CCDC174: variants seen among roughly 807,000 people sequenced by gnomAD.
The protein encoded by CCDC174 is coiled-coil domain containing 174.
CCDC174 carries 37 observed loss-of-function variants against 57.1 expected under a neutral mutation model. The observed-to-expected ratio is 0.65, with a 90% confidence interval of 0.50 to 0.85. The LOEUF is 0.85. Among genes scored for constraint, CCDC174 ranks in the 40% least tolerant of loss-of-function variants. CCDC174 has a pLI of 0.00. For missense variants in CCDC174, 540 were observed against 574.3 expected, an observed-to-expected ratio of 0.94 and a Z score of 0.61; for synonymous variants, 182 against 190.2, an observed-to-expected ratio of 0.96 and a Z score of 0.35.
chr3:14,657,581 C>T (rs2030997952), intron 3 of CCDC174, among the ~76,000 whole-genome samples: 1 of 152,220 alleles, frequency 6.6e-6, no homozygotes, highest in African/African-American at 2.4e-5. Flanking sequence ...GTAGTCTGTT[C>T]CTAACCCCTG....
intron 2 of CCDC174, 23 bp downstream of exon 2, chr3:14,654,553 C>G (rs1294048974): frequency 8.8e-7 from 1 of 1,142,590 alleles, no homozygotes; most frequent in African/African-American, 1.5e-5. Flanking sequence ...ATCTAATTAT[C>G]TCCATTGGTT....
intron 9 of CCDC174, 22 bp from the exon 10 acceptor site, chr3:14,669,912 C>T: frequency 6.2e-7 from 1 of 1,612,218 alleles, no homozygotes; most frequent in Non-Finnish European, 8.5e-7. Flanking sequence ...ATAACAGTGT[C>T]TTATTCTTTT....
chr3:14,651,955 T>G lies in CCDC174; in HGVS notation c.42+77T>G, dbSNP rs188857715. On this transcript the variant is annotated intron_variant, in intron 1 of 10. Transcript: ENST00000383794. Reference sequence around the variant, plus strand: ...ATCAGACAAGAATGTCGACCTAGCTTGTTTCTTCACTCGGGGACCCAGAGA... The same window carrying G: ...ATCAGACAAGAATGTCGACCTAGCTGGTTTCTTCACTCGGGGACCCAGAGA... 1.3e-4 allele frequency: 190 copies of G among 1,450,984 alleles called. 1 individual carries two copies. The African/African-American group carries it at 2.4e-3, about 18-fold the overall frequency. 89.9% of individuals were successfully genotyped at this position (1,450,984 alleles called of 1,614,324 possible).
rs1415193845 is a variant in CCDC174, at chr3:14,665,021, A to G, written c.486-7A>G. The stretch of plus-strand genomic sequence containing the variant: ...TCCTTCTTCACATCTTTTTGCTTTC[A>G]TTTCAGGGTGGATTACGTGGACTCT... On this transcript the variant is annotated splice_region_variant and splice_polypyrimidine_tract_variant and intron_variant, in intron 5 of 10. Coordinates refer to ENST00000383794, the MANE Select transcript of CCDC174 (RefSeq NM_016474.5). 1.2e-6 allele frequency: 2 copies of G among 1,610,592 alleles called. No individual in the cohort carries two copies. Among genetic ancestry groups the G allele is most frequent in the Non-Finnish European group, 1.7e-6 (2 of 1,177,152 alleles).
chr3:14,663,183 T>C (rs975813247), intron 5 of CCDC174, among the ~76,000 whole-genome samples: 3 of 152,170 alleles, frequency 2.0e-5, no homozygotes, highest in Admixed American at 6.5e-5. Flanking sequence ...TTTTTAATTT[T>C]TTTTGTAGAA....
At chr3:14,657,602 C>T (rs1437744105) in intron 3 of CCDC174, among the ~76,000 whole-genome samples, 1 of 152,230 alleles carries the variant, frequency 6.6e-6, no homozygotes, top group East Asian at 1.9e-4. Context: ...AAAACTGTTG[C>T]TACACTGCAC....
At chr3:14,658,534 G>C (rs550666864) in intron 3 of CCDC174, among the ~76,000 whole-genome samples, 5 of 152,358 alleles carry the variant, frequency 3.3e-5, no homozygotes, top group African/African-American at 1.2e-4. Context: ...GTTAAATTAA[G>C]TTGTTGGATT....
chr3:14,668,237 G>A, intron 9 of CCDC174, 56 bp downstream of exon 9: 3 of 1,505,302 alleles, frequency 2.0e-6, no homozygotes, highest in South Asian at 2.5e-5. Flanking sequence ...TTCCATTGAT[G>A]TCTTGCTAAT....
At chr3:14,659,008 C>G in intron 4 of CCDC174, 79 bp downstream of exon 4, 1 of 1,284,156 alleles carries the variant, frequency 7.8e-7, no homozygotes, top group Non-Finnish European at 1.1e-6. Context: ...GTTAAAATAA[C>G]TGTAGGAGTA....
chr3:14,667,056 A>T, intron 7 of CCDC174, 109 bp downstream of exon 7: 2 of 952,600 alleles, frequency 2.1e-6, no homozygotes, highest in South Asian at 3.6e-5. Context: ...GAAATTAAAG[A>T]TCCTGCTTTG....
intron 1 of CCDC174, 49 bp downstream of exon 1, chr3:14,651,927 T>C: frequency 6.3e-7 from 1 of 1,578,902 alleles, no homozygotes; most frequent in East Asian, 2.2e-5. Flanking sequence ...TCACCGTGTC[T>C]CCATCAGACA....
At chr3:14,661,840 A>C in intron 5 of CCDC174, 133 bp downstream of exon 5, 1 of 724,880 alleles carries the variant, frequency 1.4e-6, no homozygotes, top group East Asian at 2.7e-5. Flanking sequence ...ACTTCCCTTT[A>C]AGTTAGGTTG....
Position 14,670,077 on chromosome 3 carries a change from C to A in CCDC174, c.1096C>A (p.Arg366Ser), listed in dbSNP as rs1359136292. ...PGVPHIREWD[R>S]GKEFSFGYWS... ...AGTGCCACACATCCGGGAGTGGGAC[C>A]GCGGAAAAGGTAAGGGAGGTGGGCT... is the stretch of plus-strand genomic sequence containing the variant. Residue 366 changes from arginine to serine, a missense_variant, in exon 10 of 11, where the codon CGC becomes AGC. Coordinates refer to ENST00000383794, the MANE Select transcript of CCDC174 (RefSeq NM_016474.5). 3.7e-6 allele frequency: 6 copies of A among 1,608,582 alleles called. No individual in the cohort carries two copies. The Admixed American group carries it at 6.9e-5, about 18-fold the overall frequency.
At chr3:14,652,865 G>A (rs1275594794) in intron 1 of CCDC174, among the ~76,000 whole-genome samples, 2 of 138,214 alleles carry the variant, frequency 1.4e-5, no homozygotes, top group African/African-American at 5.3e-5. Flanking sequence ...TCGCGCAATT[G>A]CACTCCAACC....
At chr3:14,659,091 C>A (rs1016188271) in intron 4 of CCDC174, among the ~76,000 whole-genome samples, 162 bp downstream of exon 4, 2 of 152,014 alleles carry the variant, frequency 1.3e-5, no homozygotes, top group Admixed American at 1.3e-4. Context: ...AATAATTTAC[C>A]AATTGTCTAG....
chr3:14,666,970 T>C, intron 7 of CCDC174, 23 bp downstream of exon 7: 1 of 1,563,960 alleles, frequency 6.4e-7, no homozygotes, highest in East Asian at 2.3e-5. Flanking sequence ...TCTTGCAGCT[T>C]TGCAAATCTT....
At position 14,666,890 on chromosome 3, in the gene CCDC174, A is replaced by G. The variant is rs746673913; in HGVS notation, c.667A>G (p.Arg223Gly). The G allele has an allele frequency of 6.2e-7, 1 of 1,608,100 alleles. No individual in the cohort carries two copies. Among genetic ancestry groups the G allele is most frequent in the Admixed American group, 1.7e-5 (1 of 58,348 alleles). ...LQRQQWEEEE[R>G]EALKRPMGPV... ...GCGCCAGCAATGGGAGGAAGAAGAAAGAGAGGCCCTGAAGAGGCCCATGGG... is the reference window on the plus strand; with the variant it reads ...GCGCCAGCAATGGGAGGAAGAAGAAGGAGAGGCCCTGAAGAGGCCCATGGG... Residue 223 changes from arginine (R) to glycine (G), a missense_variant, in exon 7 of 11, where the codon AGA becomes GGA. Arg to Gly is a moderately radical substitution (Grantham distance 125, BLOSUM62 -2). Coordinates refer to ENST00000383794, the MANE Select transcript of CCDC174 (RefSeq NM_016474.5).
At chr3:14,660,493 G>A (rs554282536) in intron 4 of CCDC174, among the ~76,000 whole-genome samples, 1 of 150,204 alleles carries the variant, frequency 6.7e-6, no homozygotes, top group South Asian at 2.2e-4. Flanking sequence ...GACGGAGTGA[G>A]ATTCAGATTC....
intron 4 of CCDC174, among the ~76,000 whole-genome samples, chr3:14,660,992 C>T (rs749104634): frequency 5.9e-5 from 9 of 152,168 alleles, no homozygotes; most frequent in East Asian, 3.8e-4. Context: ...CCTGCAGGGC[C>T]GGGCTCTATG....
Sources: gnomAD v4.1 joint callset for allele counts (sites outside exome capture counted in the v4.1 genomes callset) on GRCh38, gnomAD v4.1.1 for gene constraint, MANE v1.5 for transcripts, NCBI Gene and HGNC (gene_info 2026-07-23, HGNC 2026-07-21) for gene names.